BID: variants seen among roughly 807,000 people sequenced by gnomAD.
The protein encoded by BID is BH3-interacting domain death agonist.
A neutral mutation model predicts 17.4 loss-of-function variants in BID; 19 were observed. That is an observed-to-expected ratio of 1.09 (90% CI 0.76 to 1.60). The LOEUF (loss-of-function observed/expected upper bound fraction) is 1.60, where lower values mean the gene tolerates loss of function less well. Ranked by LOEUF, BID falls within the 40% of genes most tolerant of loss-of-function variation. BID has a pLI of 0.00. For synonymous variants in BID, 108 were observed against 102.8 expected (o/e 1.05, Z -0.31); for missense variants, 226 against 256.0 (o/e 0.88, Z 0.80).
intron 2 of BID, among the ~76,000 whole-genome samples, chr22:17,749,311 C>T (rs2061519488): frequency 6.6e-6 from 1 of 152,118 alleles, no homozygotes; most frequent in Non-Finnish European, 1.5e-5. Context: ...CTGCTGAAGG[C>T]GGGGGCTCCG....
intron 1 of BID, among the ~76,000 whole-genome samples, chr22:17,759,579 G>C (rs540756095): frequency 6.6e-6 from 1 of 152,088 alleles, no homozygotes; most frequent in African/African-American, 2.4e-5. Context: ...AACAGAGCCA[G>C]GTGTAGTGGT....
chr22:17,738,365 GT>G, intron 4 of BID, 136 bp from the exon 5 acceptor site: 1 of 834,042 alleles, frequency 1.2e-6, no homozygotes, highest in Non-Finnish European at 1.8e-6. Context: ...ATGAGAAACA[GT>G]TGAGTTCTGA....
At chr22:17,753,784 C>T (rs548323664) in intron 1 of BID, among the ~76,000 whole-genome samples, 47 of 152,366 alleles carry the variant, frequency 3.1e-4, no homozygotes, top group African/African-American at 1.1e-3. Context: ...ACGGGAAATA[C>T]CCTGCCTCAC....
At chr22:17,744,636 C>T (rs1283073448) in intron 2 of BID, among the ~76,000 whole-genome samples, 1 of 152,222 alleles carries the variant, frequency 6.6e-6, no homozygotes, top group Non-Finnish European at 1.5e-5. Context: ...GGCACTGGCT[C>T]CTGCTCTACC....
chr22:17,752,797 C>G (rs2061549222), intron 1 of BID, among the ~76,000 whole-genome samples: 1 of 151,880 alleles, frequency 6.6e-6, no homozygotes, highest in South Asian at 2.1e-4. Context: ...TCCCGAGTAG[C>G]TGGGACTACA....
At chr22:17,757,936 T>A (rs2061606241) in intron 1 of BID, among the ~76,000 whole-genome samples, 1 of 152,110 alleles carries the variant, frequency 6.6e-6, no homozygotes, top group Non-Finnish European at 1.5e-5. Context: ...TCAAGTTGGA[T>A]GGAAGCAGAG....
At chr22:17,771,915 A>AGG (rs766334556) in intron 1 of BID, among the ~76,000 whole-genome samples, 1 of 152,156 alleles carries the variant, frequency 6.6e-6, no homozygotes, top group Non-Finnish European at 1.5e-5. Flanking sequence ...AGGGGCTCAC[A>AGG]GGGGAGCGAG....
rs538342211 is a variant in BID at position 17,773,914 on chromosome 22, G to A, written c.-59+467C>T. 2.0e-5 allele frequency: 12 copies of A among 589,546 alleles called. No homozygotes were observed. The highest frequency in any genetic ancestry group is 2.0e-4 in the South Asian group (10 of 50,348). The allele number at this position is 589,546 out of a possible 1,614,324, so 36.5% of individuals were successfully genotyped here. A position where few individuals can be genotyped will look rare whatever the true frequency, so the allele number is the denominator to read the frequency against. On this transcript the variant is annotated intron_variant, in intron 1 of 5. Transcript: ENST00000622694. The surrounding 1 kb of genome is among the most constrained non-coding windows in gnomAD (Gnocchi z 4.4). The stretch of plus-strand genomic sequence containing the variant: ...GTCAGCCCTGAGCTCCGCTCGGGAG[G>A]AGCCGGCAGGTGTCTGCGGTGCTGG...
At chr22:17,768,643 G>A (rs1372475930) in intron 1 of BID, among the ~76,000 whole-genome samples, 1 of 152,226 alleles carries the variant, frequency 6.6e-6, no homozygotes, top group Admixed American at 6.5e-5. Flanking sequence ...GGAGGCCGAG[G>A]CGGGTGGATC....
chr22:17,756,432 C>CTTTCTTTCTTTCTTTCTTTCTTT (rs564601583), intron 1 of BID, among the ~76,000 whole-genome samples: 1 of 69,232 alleles, frequency 1.4e-5, no homozygotes, highest in East Asian at 1.9e-3. Context: ...TTCTTTCTTT[C>CTTTCTTTCTTTCTTTCTTTCTTT]TTCTTTCTTT....
chr22:17,757,581 C>A (rs922543863), intron 1 of BID, among the ~76,000 whole-genome samples: 35 of 151,010 alleles, frequency 2.3e-4, no homozygotes, highest in Admixed American at 2.3e-3. Context: ...TGGTGGCGGG[C>A]GCCTGTAATC....
intron 1 of BID, among the ~76,000 whole-genome samples, chr22:17,766,192 A>G (rs577391485): frequency 8.6e-4 from 130 of 151,190 alleles, no homozygotes; most frequent in African/African-American, 3.0e-3. Flanking sequence ...CCAAATTGCT[A>G]GGATTACAGG....
chr22:17,751,458 T>TGTGTGTGTGTGTGTGTGC (rs2061539271), intron 1 of BID, among the ~76,000 whole-genome samples: 2 of 146,236 alleles, frequency 1.4e-5, no homozygotes, highest in African/African-American at 2.5e-5. Context: ...AGTATTTGCC[T>TGTGTGTGTGTGTGTGTGC]GTGTGTGTGT....
intron 1 of BID, among the ~76,000 whole-genome samples, chr22:17,753,315 G>C (rs2145896696): frequency 6.6e-6 from 1 of 152,338 alleles, no homozygotes; most frequent in Admixed American, 6.5e-5. Flanking sequence ...GGATAACAGA[G>C]GGGCAAGGTG....
intron 4 of BID, among the ~76,000 whole-genome samples, chr22:17,738,653 C>T (rs1415320013): frequency 2.6e-5 from 4 of 152,252 alleles, no homozygotes; most frequent in South Asian, 4.2e-4. Flanking sequence ...GTCAGGCGGT[C>T]GGCGCACATG....
intron 3 of BID, 98 bp from the exon 4 acceptor site, chr22:17,739,586 G>T: frequency 1.4e-6 from 2 of 1,470,468 alleles, no homozygotes; most frequent in Non-Finnish European, 9.2e-7. Context: ...ACAGGTCCGC[G>T]ATGGGACAAG....
chr22:17,736,222 A>G (rs2061418319), intron 5 of BID, among the ~76,000 whole-genome samples: 1 of 152,104 alleles, frequency 6.6e-6, no homozygotes, highest in Admixed American at 6.5e-5. Flanking sequence ...GCACTTTGGG[A>G]GGCCGAGGTG....
intron 2 of BID, among the ~76,000 whole-genome samples, chr22:17,745,156 T>C (rs2061487135): frequency 6.6e-6 from 1 of 152,190 alleles, no homozygotes; most frequent in Non-Finnish European, 1.5e-5. Flanking sequence ...GTTCAAATGA[T>C]TCTCCCGCCT....
chr22:17,770,535 G>A (rs753481623), intron 1 of BID, among the ~76,000 whole-genome samples: 8 of 152,220 alleles, frequency 5.3e-5, no homozygotes, highest in Non-Finnish European at 1.0e-4. Flanking sequence ...ATGAATGTGA[G>A]GAATAAAATG....
Sources: allele counts gnomAD v4.1 joint callset (sites outside exome capture counted in the v4.1 genomes callset), GRCh38; gene constraint gnomAD v4.1.1; non-coding constraint Gnocchi (gnomAD v3.1); transcripts MANE v1.5; gene names NCBI Gene and HGNC (gene_info 2026-07-23, HGNC 2026-07-21).